C1orf21: variants seen among roughly 807,000 people sequenced by gnomAD.
C1orf21 encodes the protein chromosome 1 open reading frame 21.
C1orf21 carries 3 observed loss-of-function variants against 18.7 expected under a neutral mutation model. That is an observed-to-expected ratio of 0.16 (90% CI 0.07 to 0.42). C1orf21 has a LOEUF of 0.42. Ranked by LOEUF, C1orf21 falls within the 10% of genes least tolerant of loss-of-function variation. The pLI, the probability that C1orf21 is intolerant of heterozygous loss-of-function variation, is 0.99. For synonymous variants in C1orf21, 41 were observed against 46.4 expected, an observed-to-expected ratio of 0.88 and a Z score of 0.47; for missense variants, 104 against 143.6, an observed-to-expected ratio of 0.72 and a Z score of 1.41.
intron 3 of C1orf21, among the ~76,000 whole-genome samples, chr1:184,584,948 A>G (rs2101996493): frequency 6.6e-6 from 1 of 152,324 alleles, no homozygotes; most frequent in South Asian, 2.1e-4. Context: ...GTGATAAAGA[A>G]ACTTTCTGGG....
rs1657589676 is a variant in C1orf21, at chr1:184,477,465, A to G, written c.-45A>G. 6.6e-7 allele frequency: 1 copy of G among 1,519,768 alleles called. No homozygotes were observed. The highest frequency in any genetic ancestry group is 9.1e-7 in the Non-Finnish European group (1 of 1,101,108). 94.1% of individuals were successfully genotyped at this position (1,519,768 alleles called of 1,614,324 possible). A position where few individuals can be genotyped will look rare whatever the true frequency, so the allele number is the denominator to read the frequency against. ...AAAAAAAATGTCCCTGTGTCTGTAG[A>G]GATGATTTGCAGTTCAGCCCGGCTG... On this transcript the variant is annotated 5_prime_UTR_variant, in exon 2 of 6. Coordinates refer to ENST00000235307, the MANE Select transcript of C1orf21 (RefSeq NM_030806.4).
chr1:184,444,013 T>A (rs1656991110), intron 1 of C1orf21, among the ~76,000 whole-genome samples: 1 of 152,162 alleles, frequency 6.6e-6, no homozygotes, highest in Non-Finnish European at 1.5e-5. Flanking sequence ...GACTCTTGCC[T>A]AGGGGGAATA....
intron 5 of C1orf21, among the ~76,000 whole-genome samples, chr1:184,617,760 G>T (rs891335889): frequency 1.3e-5 from 2 of 152,136 alleles, no homozygotes; most frequent in Non-Finnish European, 2.9e-5. Flanking sequence ...TTAGCAATCT[G>T]ATGATGGAGG....
At chr1:184,608,427 G>A (rs1387050572) in intron 5 of C1orf21, among the ~76,000 whole-genome samples, 1 of 152,182 alleles carries the variant, frequency 6.6e-6, no homozygotes, top group Non-Finnish European at 1.5e-5. Flanking sequence ...GCTATGGGCC[G>A]TGGGCCCTGC....
chr1:184,567,354 A>C, intron 3 of C1orf21: 2 of 480,348 alleles, frequency 4.2e-6, no homozygotes, highest in Non-Finnish European at 8.4e-6. Context: ...TGTTTCAGCC[A>C]TCATCAGTCC....
rs546815973 is a variant in C1orf21, at chr1:184,575,629, A to G, written c.190-15110A>G. 7.4e-3 allele frequency among the ~76,000 whole-genome samples: 929 copies of G among 125,330 alleles called. 9 individuals carry two copies. The highest frequency in any genetic ancestry group is 0.028 in the African/African-American group (868 of 30,938). 82.2% of individuals were successfully genotyped at this position (125,330 alleles called of 152,430 possible). On this transcript the variant is annotated intron_variant, in intron 3 of 5. Transcript: ENST00000235307. Reference sequence around the variant, plus strand: ...AAAAAGGTAAAAAAAAAAAAAAAAAAAAGAAGAACTTTAAAAAAATCATAA... The same window carrying G: ...AAAAAGGTAAAAAAAAAAAAAAAAAGAAGAAGAACTTTAAAAAAATCATAA...
At chr1:184,397,870 A>G (rs1656086382) in intron 1 of C1orf21, among the ~76,000 whole-genome samples, 1 of 152,232 alleles carries the variant, frequency 6.6e-6, no homozygotes, top group Non-Finnish European at 1.5e-5. Context: ...CTACCAGATG[A>G]ATAGCCATCA....
At chr1:184,505,603 A>T (rs1241262493) in intron 2 of C1orf21, among the ~76,000 whole-genome samples, 1 of 151,788 alleles carries the variant, frequency 6.6e-6, no homozygotes, top group Non-Finnish European at 1.5e-5. Context: ...CTCTACTAAA[A>T]ATACAAAAAA....
chr1:184,391,793 C>T (rs983666065), intron 1 of C1orf21, among the ~76,000 whole-genome samples: 9 of 152,132 alleles, frequency 5.9e-5, no homozygotes, highest in African/African-American at 2.2e-4. Flanking sequence ...CTGCAATCTC[C>T]ACCTCCTGGG....
chr1:184,393,342 C>G (rs142034317), intron 1 of C1orf21, among the ~76,000 whole-genome samples: 186 of 152,282 alleles, frequency 1.2e-3, no homozygotes, highest in African/African-American at 4.3e-3. Context: ...CCCACACCTC[C>G]TCCCTTCTTC....
chr1:184,557,197 CTTG>C (rs1414687334), intron 3 of C1orf21, among the ~76,000 whole-genome samples: 1 of 151,994 alleles, frequency 6.6e-6, no homozygotes, highest in Non-Finnish European at 1.5e-5. Flanking sequence ...CATTATTGTT[CTTG>C]TAGTGTTTAG....
At chr1:184,525,752 A>C (rs1658368312) in intron 3 of C1orf21, among the ~76,000 whole-genome samples, 1 of 152,222 alleles carries the variant, frequency 6.6e-6, no homozygotes. Flanking sequence ...AAAAGCATTT[A>C]AAACACAAGG....
rs1453525470 is a variant in C1orf21 at position 184,628,377 on chromosome 1, T to C, written c.*8821T>C. 1.3e-5 allele frequency: 2 copies of C among 152,234 alleles called. No individual in the cohort carries two copies. The highest frequency in any genetic ancestry group is 4.8e-5 in the African/African-American group (2 of 41,460). 9.4% of individuals were successfully genotyped at this position (152,234 alleles called of 1,614,324 possible). On this transcript the variant is annotated 3_prime_UTR_variant, in exon 6 of 6. Transcript: ENST00000235307. ...TAAATGAATAAGACACAAAATATTATAAACAGAGGTTCTGGCATTTTCTCT... is the reference window on the plus strand; with the variant it reads ...TAAATGAATAAGACACAAAATATTACAAACAGAGGTTCTGGCATTTTCTCT...
chr1:184,408,375 C>T (rs1488207112), intron 1 of C1orf21: 3 of 152,140 alleles, frequency 2.0e-5, no homozygotes, highest in Non-Finnish European at 4.4e-5. Context: ...GGAAACATTA[C>T]TTTTCATTAA....
chr1:184,389,854 G>T (rs971279538), intron 1 of C1orf21, among the ~76,000 whole-genome samples: 3 of 152,216 alleles, frequency 2.0e-5, no homozygotes, highest in African/African-American at 7.2e-5. Context: ...GCAGGAGAAG[G>T]CAGGTGACAT....
In C1orf21 at chr1:184,624,064, G is replaced by T. The variant is rs1659966985; in HGVS notation, c.*4508G>T. On this transcript the variant is annotated 3_prime_UTR_variant, in exon 6 of 6. Transcript: ENST00000235307. ...TATTACCCCCGTGTTCTAAATAATAGATCTTAAGTGTGGAATGCATCTATC... is the reference window on the plus strand; with the variant it reads ...TATTACCCCCGTGTTCTAAATAATATATCTTAAGTGTGGAATGCATCTATC... 1 of 152,614 alleles carries T rather than the reference G, an allele frequency of 6.6e-6. No homozygotes were observed. Among genetic ancestry groups the T allele is most frequent in the Admixed American group, 6.5e-5 (1 of 15,276 alleles). 9.5% of individuals were successfully genotyped at this position (152,614 alleles called of 1,614,324 possible).
intron 4 of C1orf21, among the ~76,000 whole-genome samples, chr1:184,591,279 G>A (rs546922995): frequency 7.2e-5 from 11 of 152,252 alleles, no homozygotes; most frequent in Admixed American, 6.5e-4. Flanking sequence ...TTGAGAAAAT[G>A]TGGTTTGGTG....
chr1:184,607,580 A>G (rs962755594), intron 5 of C1orf21, among the ~76,000 whole-genome samples: 1 of 152,022 alleles, frequency 6.6e-6, no homozygotes, highest in African/African-American at 2.4e-5. Flanking sequence ...GCAGCAGTTA[A>G]GAGACATAAA....
intron 5 of C1orf21, among the ~76,000 whole-genome samples, chr1:184,613,525 T>C (rs750544014): frequency 9.9e-5 from 15 of 152,222 alleles, no homozygotes; most frequent in Non-Finnish European, 1.6e-4. Context: ...TCAAAACTTA[T>C]TATCAGTTGT....
Sources: gnomAD v4.1 joint callset for allele counts (sites outside exome capture counted in the v4.1 genomes callset) on GRCh38, gnomAD v4.1.1 for gene constraint, MANE v1.5 for transcripts, NCBI Gene and HGNC (gene_info 2026-07-23, HGNC 2026-07-21) for gene names.